The following PPP4R3B variants were observed in gnomAD, a reference collection of about 807,000 sequenced individuals.
The protein encoded by PPP4R3B is protein phosphatase 4 regulatory subunit 3B, also known as serine/threonine-protein phosphatase 4 regulatory subunit 3B.
A neutral mutation model predicts 95.4 loss-of-function variants in PPP4R3B; 52 were observed. The observed-to-expected ratio is 0.54, with a 90% CI of 0.44 to 0.69. The LOEUF is 0.69. PPP4R3B is among the 30% of genes least tolerant of loss of function. The pLI is 0.00. For synonymous variants in PPP4R3B, 407 were observed against 343.9 expected (o/e 1.18, Z -2.03); for missense variants, 1,003 against 1,005.9 (o/e 1.00, Z 0.04).
Position 55,617,344 on chromosome 2 carries a change from C to T in PPP4R3B, c.-59G>A, listed in dbSNP as rs1224488211. 1 of 1,510,924 alleles carries T rather than the reference C, an allele frequency of 6.6e-7. No homozygotes were observed. Among genetic ancestry groups the T allele is most frequent in the Non-Finnish European group, 8.9e-7 (1 of 1,124,950 alleles). The allele number at this position is 1,510,924 out of a possible 1,614,324, so 93.6% of individuals were successfully genotyped here. A position where few individuals can be genotyped will look rare whatever the true frequency, so the allele number is the denominator to read the frequency against. On this transcript the variant is annotated 5_prime_UTR_variant, in exon 1 of 17. Coordinates refer to ENST00000616407, the MANE Select transcript of PPP4R3B (RefSeq NM_001122964.3). Reference sequence around the variant, plus strand: ...CTCCTCGCTTACCTCGTCCGCGCTCCTCACTCTTAGGAGACGGTAAAGGCA... The same window carrying T: ...CTCCTCGCTTACCTCGTCCGCGCTCTTCACTCTTAGGAGACGGTAAAGGCA...
At chr2:55,560,489 G>A (rs1330162460) in intron 15 of PPP4R3B, among the ~76,000 whole-genome samples, 1 of 152,100 alleles carries the variant, frequency 6.6e-6, no homozygotes, top group African/African-American at 2.4e-5. Flanking sequence ...CATTCAAGTG[G>A]TGGCCTGGGC....
intron 2 of PPP4R3B, among the ~76,000 whole-genome samples, chr2:55,606,335 T>C (rs1430884666): frequency 1.3e-5 from 2 of 152,138 alleles, no homozygotes; most frequent in African/African-American, 4.8e-5. Context: ...TAAGACCCAA[T>C]ATACACTTAA....
chr2:55,551,648 G>C (rs1685259114), intron 16 of PPP4R3B, among the ~76,000 whole-genome samples: 1 of 151,976 alleles, frequency 6.6e-6, no homozygotes, highest in Non-Finnish European at 1.5e-5. Context: ...CTGCTTCAGA[G>C]GCTGAGGCAG....
chr2:55,604,757 G>T (rs1310049645), intron 2 of PPP4R3B, among the ~76,000 whole-genome samples: 1 of 151,836 alleles, frequency 6.6e-6, no homozygotes, highest in Non-Finnish European at 1.5e-5. Context: ...GTCACCCCTT[G>T]TATTAGAAAC....
chr2:55,570,497 ATT>A (rs1392391033), intron 12 of PPP4R3B, among the ~76,000 whole-genome samples: 3 of 152,224 alleles, frequency 2.0e-5, no homozygotes, highest in Non-Finnish European at 4.4e-5. Flanking sequence ...ATTTAGCAAT[ATT>A]ACTGCTAAAA....
chr2:55,583,262 T>C (rs1689665926), intron 7 of PPP4R3B, among the ~76,000 whole-genome samples: 1 of 152,132 alleles, frequency 6.6e-6, no homozygotes, highest in African/African-American at 2.4e-5. Context: ...AATTAATTTA[T>C]CTTCTCTTGT....
At chr2:55,554,113 A>C (rs1667696881) in intron 16 of PPP4R3B, among the ~76,000 whole-genome samples, 1 of 152,182 alleles carries the variant, frequency 6.6e-6, no homozygotes, top group South Asian at 2.1e-4. Context: ...TAGAGACTCG[A>C]AAGTGCAGTG....
At chr2:55,555,771 G>A (rs1285619212) in intron 16 of PPP4R3B, among the ~76,000 whole-genome samples, 2 of 152,114 alleles carry the variant, frequency 1.3e-5, no homozygotes, top group Admixed American at 6.5e-5. Context: ...ATACTTTTAA[G>A]TTCTATGCAG....
chr2:55,602,211 GC>G (rs1168386065), intron 3 of PPP4R3B, among the ~76,000 whole-genome samples: 1 of 152,128 alleles, frequency 6.6e-6, no homozygotes, highest in Non-Finnish European at 1.5e-5. Flanking sequence ...CTCCACACTG[GC>G]CCCAAATACT....
rs1336294956 is a variant in PPP4R3B, at chr2:55,549,050, T to C, written c.*861A>G. ...GTCTGTATAAGTAACACTTTAAAACTTGCAGCTCTGGAAAGACAGAACTTT... is the reference window on the plus strand; with the variant it reads ...GTCTGTATAAGTAACACTTTAAAACCTGCAGCTCTGGAAAGACAGAACTTT... On this transcript the variant is annotated 3_prime_UTR_variant, in exon 17 of 17. Coordinates refer to ENST00000616407, the MANE Select transcript of PPP4R3B (RefSeq NM_001122964.3). The C allele has an allele frequency of 6.6e-6, 1 of 152,388 alleles. No homozygotes were observed. The highest frequency in any genetic ancestry group is 1.5e-5 in the Non-Finnish European group (1 of 68,038). The allele number at this position is 152,388 out of a possible 1,614,324, so 9.4% of individuals were successfully genotyped here.
chr2:55,559,108 G>C, intron 15 of PPP4R3B, 140 bp from the exon 16 acceptor site: 2 of 626,684 alleles, frequency 3.2e-6, no homozygotes, highest in Non-Finnish European at 5.2e-6. Flanking sequence ...AACACTTTGG[G>C]AGGCTGAGGC....
chr2:55,603,947 A>AT (rs1271368573), intron 3 of PPP4R3B, 31 bp downstream of exon 3: 2 of 1,485,748 alleles, frequency 1.3e-6, no homozygotes, highest in Admixed American at 4.0e-5. Context: ...AGAAGCAAAC[A>AT]TTAAGTTAAA....
intron 12 of PPP4R3B, among the ~76,000 whole-genome samples, chr2:55,573,288 A>G (rs1336169456): frequency 6.6e-6 from 1 of 152,176 alleles, no homozygotes; most frequent in Non-Finnish European, 1.5e-5. Context: ...AAATATCAGG[A>G]TAATTATAAA....
In PPP4R3B at chr2:55,614,006, C is replaced by A. The variant is rs73940302; in HGVS notation, c.198+1445G>T. ...AGGAAACATCTTCAGGTTTTCAATT[C>A]AGGACAAATGTTTAATTTGCTTCTC... On this transcript the variant is annotated intron_variant, in intron 2 of 16. Transcript: ENST00000616407. 6.2e-3 allele frequency among the ~76,000 whole-genome samples: 944 copies of A among 152,188 alleles called. 5 individuals are homozygous for A. The highest frequency in any genetic ancestry group is 0.02 in the African/African-American group (837 of 41,524).
chr2:55,615,857 C>CAAAAAA (rs58981030), intron 1 of PPP4R3B, among the ~76,000 whole-genome samples: 8 of 39,066 alleles, frequency 2.0e-4, no homozygotes, highest in African/African-American at 5.4e-4. Flanking sequence ...ACTCTGTCTC[C>CAAAAAA]AAAAAAAAAA....
chr2:55,568,435 C>A, intron 12 of PPP4R3B, 72 bp from the exon 13 acceptor site: 3 of 1,278,618 alleles, frequency 2.3e-6, no homozygotes, highest in South Asian at 1.8e-5. Context: ...TGTTTTTCCA[C>A]CATAAAGCAA....
At chr2:55,580,335 T>C (rs1463271047) in intron 8 of PPP4R3B, among the ~76,000 whole-genome samples, 1 of 152,180 alleles carries the variant, frequency 6.6e-6, no homozygotes, top group African/African-American at 2.4e-5. Context: ...ATAATCACTA[T>C]TGATCCCATT....
intron 3 of PPP4R3B, 52 bp from the exon 4 acceptor site, chr2:55,599,091 A>T: frequency 1.4e-6 from 2 of 1,467,262 alleles, no homozygotes; most frequent in Non-Finnish European, 9.1e-7. Context: ...AAATAATTCA[A>T]AATTTTGGAA....
rs1247460210 is a variant in PPP4R3B at position 55,591,221 on chromosome 2, C to G, written c.922-2265G>C. On this transcript the variant is annotated intron_variant, in intron 4 of 16. Coordinates refer to ENST00000616407, the MANE Select transcript of PPP4R3B (RefSeq NM_001122964.3). Reference sequence around the variant, plus strand: ...GTACAAACGTGGCTCAGTGTAGCCTCGACCTCCTGGACTCAAGCAATCTTC... The same window carrying G: ...GTACAAACGTGGCTCAGTGTAGCCTGGACCTCCTGGACTCAAGCAATCTTC... Among the ~76,000 whole-genome samples the G allele has an allele frequency of 2.6e-5, 4 of 151,436 alleles. No individual in the cohort carries two copies. In the South Asian group the frequency reaches 8.3e-4, roughly 32 times the overall value.
Sources: gnomAD v4.1 joint callset for allele counts (sites outside exome capture counted in the v4.1 genomes callset) on GRCh38, gnomAD v4.1.1 for gene constraint, MANE v1.5 for transcripts, NCBI Gene and HGNC (gene_info 2026-07-23, HGNC 2026-07-21) for gene names.